The following DLGAP2 variants were observed in gnomAD, a reference collection of about 807,000 sequenced individuals.
DLGAP2 encodes DLG associated protein 2, also known as disks large-associated protein 2.
A neutral mutation model predicts 100.3 loss-of-function variants in DLGAP2; 26 were observed. The ratio of observed to expected loss-of-function variants is 0.26; its 90% CI spans 0.19 to 0.36. The LOEUF (loss-of-function observed/expected upper bound fraction) is 0.36, where lower values mean the gene tolerates loss of function less well. Ranked by LOEUF, DLGAP2 falls within the 10% of genes least tolerant of loss-of-function variation. The probability of loss-of-function intolerance (pLI) is 1.00; values close to 1 mark genes in which losing one functional copy is unlikely to be tolerated. For synonymous variants in DLGAP2, 886 were observed against 630.1 expected (o/e 1.41, Z -6.08); for missense variants, 1,858 against 1,453.2 (o/e 1.28, Z -4.53).
chr8:1,131,840 C>G (rs1405124445), intron 2 of DLGAP2, among the ~76,000 whole-genome samples: 1 of 152,074 alleles, frequency 6.6e-6, no homozygotes, highest in Non-Finnish European at 1.5e-5. Context: ...TTATTTTTTC[C>G]TCCTTGGAAA....
At chr8:1,165,262 A>G (rs1250537091) in intron 2 of DLGAP2, among the ~76,000 whole-genome samples, 2 of 151,542 alleles carry the variant, frequency 1.3e-5, no homozygotes, top group African/African-American at 4.9e-5. Context: ...ACAGATGGAG[A>G]AGAAGGGAGA....
At chr8:1,146,320 C>T (rs910227459) in intron 2 of DLGAP2, among the ~76,000 whole-genome samples, 1 of 152,184 alleles carries the variant, frequency 6.6e-6, no homozygotes, top group African/African-American at 2.4e-5. Context: ...TGCTCATTTT[C>T]CTAGTGTGCT....
intron 3 of DLGAP2, among the ~76,000 whole-genome samples, chr8:1,261,766 A>T (rs1004764445): frequency 3.3e-5 from 5 of 152,240 alleles, no homozygotes; most frequent in Admixed American, 3.3e-4. Flanking sequence ...ATATATTTTT[A>T]AAATCATTTA....
Position 1,338,205 on chromosome 8 carries a change from C to T in DLGAP2, c.106+79322C>T, listed in dbSNP as rs76969191. ...AGCATTCATCCCAGAGAAATGAAGA[C>T]GTATGTCTACACAGAAACTCACACA... On this transcript the variant is annotated intron_variant, in intron 3 of 14. Coordinates refer to ENST00000637795, the MANE Select transcript of DLGAP2 (RefSeq NM_001346810.2). Among the ~76,000 whole-genome samples, 208 of 152,318 alleles carry T rather than the reference C, an allele frequency of 1.4e-3. 4 individuals are homozygous for T. The East Asian group carries it at 0.035, about 26-fold the overall frequency.
intron 3 of DLGAP2, among the ~76,000 whole-genome samples, chr8:1,303,412 A>G (rs544907567): frequency 1.6e-3 from 248 of 151,354 alleles, no homozygotes; most frequent in East Asian, 6.8e-3. Context: ...CAAAAAAAAA[A>G]AAAAAAAAAA....
chr8:1,454,413 G>T (rs886747), intron 3 of DLGAP2, among the ~76,000 whole-genome samples: 73,496 of 151,508 alleles, frequency 0.49, 18,466 homozygotes, highest in East Asian at 0.84. Context: ...GAGTTTGAGG[G>T]CAAGGGTGTT....
chr8:765,224 C>T (rs908638637), intron 1 of DLGAP2, among the ~76,000 whole-genome samples: 1 of 151,932 alleles, frequency 6.6e-6, no homozygotes, highest in African/African-American at 2.4e-5. Context: ...AACTTTATTA[C>T]AAAAAAACCC....
intron 2 of DLGAP2, among the ~76,000 whole-genome samples, chr8:951,398 C>G (rs1417925403): frequency 6.6e-6 from 1 of 152,132 alleles, no homozygotes; most frequent in Non-Finnish European, 1.5e-5. Context: ...GCACCTGCCA[C>G]CACACCTGGC....
chr8:1,525,091 T>C (rs964541389), intron 4 of DLGAP2, among the ~76,000 whole-genome samples: 3 of 152,104 alleles, frequency 2.0e-5, no homozygotes, highest in African/African-American at 7.2e-5. Context: ...TCAAATTCCT[T>C]GGTCCTTTTT....
intron 1 of DLGAP2, among the ~76,000 whole-genome samples, chr8:777,218 T>C (rs1292762798): frequency 6.6e-6 from 1 of 151,656 alleles, no homozygotes; most frequent in Non-Finnish European, 1.5e-5. Flanking sequence ...TCTTCCTCCA[T>C]CCTTTTATTT....
intron 3 of DLGAP2, among the ~76,000 whole-genome samples, chr8:1,322,614 C>G (rs1358637939): frequency 2.0e-5 from 3 of 152,016 alleles, no homozygotes. Context: ...GGCGTGCTGT[C>G]TCCTGCCTCT....
At chr8:934,494 C>G (rs1338473532) in intron 2 of DLGAP2, among the ~76,000 whole-genome samples, 1 of 152,212 alleles carries the variant, frequency 6.6e-6, no homozygotes, top group South Asian at 2.1e-4. Context: ...GCCACCTCTT[C>G]GATTCTTGCC....
chr8:774,654 G>T (rs994160007), intron 1 of DLGAP2, among the ~76,000 whole-genome samples: 2 of 151,732 alleles, frequency 1.3e-5, no homozygotes, highest in African/African-American at 4.8e-5. Flanking sequence ...AGATCAGATA[G>T]TTGTAGATGT....
intron 3 of DLGAP2, among the ~76,000 whole-genome samples, chr8:1,364,511 T>A (rs7014644): frequency 3.5e-4 from 52 of 146,774 alleles, no homozygotes; most frequent in African/African-American, 8.5e-4. Flanking sequence ...GCGGGGGGGG[T>A]GCAGCGAAGC....
At position 1,182,717 on chromosome 8, in the gene DLGAP2, C is replaced by T. The variant is rs544702104; in HGVS notation, c.74-76134C>T. Among the ~76,000 whole-genome samples, 25 of 152,322 alleles carry T rather than the reference C, an allele frequency of 1.6e-4. No homozygotes were observed. In the South Asian group the frequency reaches 4.8e-3, roughly 29 times the overall value. ...CTGCCCTGCCATCACGTCTGCGCTG[C>T]CCTGAGACACGGAGCTCCAGCACAT... On this transcript the variant is annotated intron_variant, in intron 2 of 14. Coordinates refer to ENST00000637795, the MANE Select transcript of DLGAP2 (RefSeq NM_001346810.2).
chr8:1,208,886 A>C (rs1798049379), intron 2 of DLGAP2, among the ~76,000 whole-genome samples: 1 of 150,506 alleles, frequency 6.6e-6, no homozygotes, highest in African/African-American at 2.4e-5. Flanking sequence ...ATAAATAAAT[A>C]AATAAATAAA....
At chr8:1,444,771 CTTTTTTTTTTTTT>C (rs914045708) in intron 3 of DLGAP2, among the ~76,000 whole-genome samples, 9 of 79,852 alleles carry the variant, frequency 1.1e-4, no homozygotes, top group South Asian at 9.8e-4. Flanking sequence ...CCAGGTCATT[CTTTTTTTTTTTTT>C]TTTTTTTTTT....
At chr8:1,029,300 G>A (rs911271545) in intron 2 of DLGAP2, among the ~76,000 whole-genome samples, 2 of 152,160 alleles carry the variant, frequency 1.3e-5, no homozygotes, top group African/African-American at 4.8e-5. Flanking sequence ...GGGATATTAG[G>A]GCGAGAAGAG....
chr8:1,623,481 T>C (rs745366768), intron 6 of DLGAP2, among the ~76,000 whole-genome samples: 1 of 151,494 alleles, frequency 6.6e-6, no homozygotes, highest in African/African-American at 2.4e-5. Flanking sequence ...CTGACACCAG[T>C]GCACGATGAC....
Sources: allele counts gnomAD v4.1 joint callset (sites outside exome capture counted in the v4.1 genomes callset), GRCh38; gene constraint gnomAD v4.1.1; transcripts MANE v1.5; gene names NCBI Gene and HGNC (gene_info 2026-07-23, HGNC 2026-07-21).